SKAP2: variants seen among roughly 807,000 people sequenced by gnomAD.
SKAP2 encodes src kinase-associated phosphoprotein 2.
A neutral mutation model predicts 54.9 loss-of-function variants in SKAP2; 28 were observed. The ratio of observed to expected loss-of-function variants is 0.51; its 90% confidence interval spans 0.38 to 0.70. The LOEUF is 0.70. Among genes scored for constraint, SKAP2 ranks in the 30% least tolerant of loss-of-function variants. The probability of loss-of-function intolerance (pLI) is 0.00; values close to 1 mark genes in which losing one functional copy is unlikely to be tolerated. For synonymous variants in SKAP2, 137 were observed against 134.3 expected, an observed-to-expected ratio of 1.02 and a Z score of -0.14; for missense variants, 356 against 424.1, an observed-to-expected ratio of 0.84 and a Z score of 1.41.
chr7:26,666,849 AT>A (rs1427967491), downstream of SKAP2, among the ~76,000 whole-genome samples: 3 of 152,282 alleles, frequency 2.0e-5, no homozygotes, highest in East Asian at 5.8e-4. Context: ...TCCTAAAGCA[AT>A]GAAAGTCATT....
intron 6 of SKAP2, among the ~76,000 whole-genome samples, chr7:26,727,761 A>G (rs1212509439): frequency 6.6e-6 from 1 of 152,184 alleles, no homozygotes; most frequent in East Asian, 1.9e-4. Context: ...CGAATATAAC[A>G]AAGGACTTAA....
At chr7:26,830,286 A>C (rs956739470) in intron 4 of SKAP2, among the ~76,000 whole-genome samples, 18 of 152,142 alleles carry the variant, frequency 1.2e-4, no homozygotes, top group African/African-American at 4.3e-4. Context: ...CATGGCATGG[A>C]GTTTCTTTTT....
intron 4 of SKAP2, among the ~76,000 whole-genome samples, chr7:26,820,239 T>C (rs1277045087): frequency 1.3e-5 from 2 of 152,310 alleles, no homozygotes; most frequent in Admixed American, 6.5e-5. Context: ...CTGTTAATAA[T>C]TGTCACAAAA....
At chr7:26,759,843 G>A (rs867134302) in intron 4 of SKAP2, among the ~76,000 whole-genome samples, 22 of 152,232 alleles carry the variant, frequency 1.4e-4, no homozygotes, top group African/African-American at 4.8e-4. Context: ...AGGCCCATTT[G>A]TAGAGAACCA....
chr7:26,655,372 T>C, the SKAP2 span, among the ~76,000 whole-genome samples: 2 of 151,676 alleles, frequency 1.3e-5, no homozygotes, highest in Admixed American at 6.5e-5. Flanking sequence ...CTGTTGACCA[T>C]TGTCTTGTTT....
chr7:26,818,132 T>C (rs73067479), intron 4 of SKAP2, among the ~76,000 whole-genome samples: 32,752 of 151,958 alleles, frequency 0.22, 3,595 homozygotes, highest in Non-Finnish European at 0.24. Context: ...ATAGCCAAGA[T>C]GACCCTAAGC....
At chr7:26,733,786 T>C (rs1787869020) in intron 6 of SKAP2, among the ~76,000 whole-genome samples, 2 of 152,064 alleles carry the variant, frequency 1.3e-5, no homozygotes, top group Non-Finnish European at 2.9e-5. Flanking sequence ...AATGAAAAAA[T>C]TAAAACCATA....
intron 4 of SKAP2, among the ~76,000 whole-genome samples, chr7:26,816,904 A>C (rs939957381): frequency 1.3e-5 from 2 of 152,106 alleles, no homozygotes; most frequent in East Asian, 3.8e-4. Context: ...ATAGGAAATT[A>C]ATTGCTAACA....
intron 5 of SKAP2, 149 bp downstream of exon 5, chr7:26,739,738 G>A (rs781560254): frequency 7.0e-6 from 4 of 571,480 alleles, no homozygotes; most frequent in Non-Finnish European, 9.1e-6. Context: ...GCTATATTTT[G>A]TGGTTTGGAT....
intron 4 of SKAP2, among the ~76,000 whole-genome samples, chr7:26,838,907 T>C (rs2127994367): frequency 6.6e-6 from 1 of 152,322 alleles, no homozygotes; most frequent in South Asian, 2.1e-4. Flanking sequence ...GATTACATTT[T>C]TCTTAAAAAT....
At chr7:26,664,602 C>A (rs1051308930), downstream of SKAP2, among the ~76,000 whole-genome samples, 9 of 152,008 alleles carry the variant, frequency 5.9e-5, 1 homozygote, top group Admixed American at 3.9e-4. Flanking sequence ...CAAAATGGCA[C>A]CTGCTTTTAC....
intron 9 of SKAP2, among the ~76,000 whole-genome samples, chr7:26,691,477 G>T (rs1458207113): frequency 6.6e-6 from 1 of 152,178 alleles, no homozygotes; most frequent in Non-Finnish European, 1.5e-5. Context: ...ATATATAAAT[G>T]TAGTCATTGT....
chr7:26,746,681 T>C (rs1782566433), intron 4 of SKAP2: 1 of 151,616 alleles, frequency 6.6e-6, no homozygotes, highest in African/African-American at 2.4e-5. Context: ...TTTCTTCTTT[T>C]AAAACCTGAA....
intron 9 of SKAP2, among the ~76,000 whole-genome samples, chr7:26,718,765 A>G (rs1787516612): frequency 1.3e-5 from 2 of 152,170 alleles, no homozygotes; most frequent in South Asian, 4.1e-4. Context: ...CGGCCTCCCA[A>G]AGTGCTGGGA....
chr7:26,854,114 G>A (rs1299494067), intron 3 of SKAP2, 23 bp downstream of exon 3: 1 of 1,553,546 alleles, frequency 6.4e-7, no homozygotes, highest in Non-Finnish European at 8.7e-7. Flanking sequence ...AAATTTTCAA[G>A]TTTGCCAAAC....
downstream of SKAP2, among the ~76,000 whole-genome samples, chr7:26,664,537 G>A (rs949679800): frequency 4.6e-5 from 7 of 152,010 alleles, no homozygotes; most frequent in African/African-American, 1.7e-4. Flanking sequence ...TTTCTCCTTT[G>A]AGAGTACCTG....
At chr7:26,658,895 C>T in the SKAP2 span, among the ~76,000 whole-genome samples, 1 of 151,692 alleles carries the variant, frequency 6.6e-6, no homozygotes, top group African/African-American at 2.4e-5. Context: ...CAGGGATGCC[C>T]GTGGATTTCC....
At chr7:26,857,538 C>CAACA in intron 1 of SKAP2, 1 of 985,360 alleles carries the variant, frequency 1.0e-6, no homozygotes, top group Non-Finnish European at 1.2e-6. Flanking sequence ...GGTGTCTGAG[C>CAACA]AACACACCGA....
At chr7:26,862,463 T>G (rs964368946) in intron 1 of SKAP2, among the ~76,000 whole-genome samples, 2 of 152,068 alleles carry the variant, frequency 1.3e-5, no homozygotes, top group Admixed American at 1.3e-4. Context: ...GTAATATTTT[T>G]TAATACTTCA....
Sources: gnomAD v4.1 joint callset for allele counts (sites outside exome capture counted in the v4.1 genomes callset) on GRCh38, gnomAD v4.1.1 for gene constraint, MANE v1.5 for transcripts, NCBI Gene and HGNC (gene_info 2026-07-23, HGNC 2026-07-21) for gene names.